The following PANK1 variants were observed in gnomAD, a reference collection of about 807,000 sequenced individuals.
PANK1 encodes the protein pantothenic acid kinase 1.
A neutral mutation model predicts 40.1 loss-of-function variants in PANK1; 18 were observed. That is an observed-to-expected ratio of 0.45 (90% confidence interval 0.31 to 0.67). PANK1 has a LOEUF of 0.67. Ranked by LOEUF, PANK1 falls within the 30% of genes least tolerant of loss-of-function variation. PANK1 has a pLI of 0.06. For missense variants in PANK1, 457 were observed against 599.6 expected (o/e 0.76, Z 2.48); for synonymous variants, 242 against 237.7 (o/e 1.02, Z -0.17).
intron 1 of PANK1, among the ~76,000 whole-genome samples, chr10:89,617,200 G>T (rs1403983561): frequency 6.6e-6 from 1 of 152,216 alleles, no homozygotes; most frequent in Non-Finnish European, 1.5e-5. Context: ...TACTGCAAAA[G>T]AACCTGGCCT....
intron 1 of PANK1, among the ~76,000 whole-genome samples, chr10:89,641,356 A>G (rs7087789): frequency 0.26 from 39,305 of 152,070 alleles, 5,163 homozygotes; most frequent in South Asian, 0.3. Context: ...TACTTTCACA[A>G]TGATGGCTAA....
rs901455368 is a variant in PANK1 at position 89,593,411 on chromosome 10, A to G, written c.1077-91T>C. On this transcript the variant is annotated intron_variant, in intron 4 of 6. Transcript: ENST00000307534. ...AGTATTGTGGAAGGCTCTACGAGTA[A>G]CTGTTCAAACTCAAGTGATCCAATT... 2.9e-6 allele frequency: 4 copies of G among 1,402,430 alleles called. No homozygotes were observed. In the African/African-American group the frequency reaches 5.7e-5, roughly 20 times the overall value. The allele number at this position is 1,402,430 out of a possible 1,614,324, so 86.9% of individuals were successfully genotyped here. A position where few individuals can be genotyped will look rare whatever the true frequency, so the allele number is the denominator to read the frequency against.
intron 1 of PANK1, among the ~76,000 whole-genome samples, chr10:89,634,556 G>C (rs1841748280): frequency 6.6e-6 from 1 of 152,110 alleles, no homozygotes; most frequent in South Asian, 2.1e-4. Context: ...TCAATTCTTG[G>C]AGAATGGGTT....
In PANK1 at chr10:89,595,873, T is replaced by TATATATAA. The variant is rs781450193; in HGVS notation, c.900-1885_900-1884insTTATATAT. ...ATATATATATATATATATATATATATAACTTCATTTACTAATATATATATG... is the reference window on the plus strand; with the variant it reads ...ATATATATATATATATATATATATATATATATAAAACTTCATTTACTAATATATATATG... On this transcript the variant is annotated intron_variant, in intron 3 of 6. Transcript: ENST00000307534. 6.0e-3 allele frequency among the ~76,000 whole-genome samples: 484 copies of TATATATAA among 81,246 alleles called. 31 individuals are homozygous for TATATATAA. Among genetic ancestry groups the TATATATAA allele is most frequent in the African/African-American group, 9.5e-3 (175 of 18,338 alleles). 53.3% of individuals were successfully genotyped at this position (81,246 alleles called of 152,430 possible). A position where few individuals can be genotyped will look rare whatever the true frequency, so the allele number is the denominator to read the frequency against.
chr10:89,631,407 A>G (rs568734811), intron 1 of PANK1, among the ~76,000 whole-genome samples: 2 of 152,254 alleles, frequency 1.3e-5, no homozygotes, highest in South Asian at 4.1e-4. Flanking sequence ...TGAAATTACA[A>G]ATTTTAGCAA....
chr10:89,621,651 C>T lies in PANK1; in HGVS notation c.293-9603G>A, dbSNP rs748160438. ...AGGTGAGGTGTCTGTTGCTTACAAC[C>T]GAGAATGTCCCAACAGTCAGAATTT... is the stretch of plus-strand genomic sequence containing the variant. On this transcript the variant is annotated intron_variant, in intron 1 of 6. Transcript: ENST00000307534. 1.8e-4 allele frequency among the ~76,000 whole-genome samples: 28 copies of T among 152,102 alleles called. 1 individual carries two copies. The highest frequency in any genetic ancestry group is 2.6e-4 in the Non-Finnish European group (18 of 68,028).
chr10:89,587,735 A>C (rs1237219965), intron 6 of PANK1, among the ~76,000 whole-genome samples: 1 of 152,192 alleles, frequency 6.6e-6, no homozygotes, highest in Non-Finnish European at 1.5e-5. Context: ...GGTATAATAA[A>C]ATGGTTGAAG....
chr10:89,627,569 AC>A (rs1841512034), intron 1 of PANK1, among the ~76,000 whole-genome samples: 1 of 152,228 alleles, frequency 6.6e-6, no homozygotes, highest in Non-Finnish European at 1.5e-5. Flanking sequence ...ACTCTGCTAA[AC>A]AGTCAGGATG....
chr10:89,600,155 G>A (rs1300058980), intron 2 of PANK1, among the ~76,000 whole-genome samples: 2 of 152,210 alleles, frequency 1.3e-5, no homozygotes, highest in Non-Finnish European at 2.9e-5. Context: ...AATTTCTGTT[G>A]TTTGAACCAT....
At chr10:89,612,697 G>A (rs549700703) in intron 1 of PANK1, among the ~76,000 whole-genome samples, 4 of 152,282 alleles carry the variant, frequency 2.6e-5, no homozygotes, top group East Asian at 1.9e-4. Context: ...AGAACAACTC[G>A]CATTATATCT....
chr10:89,638,185 T>C (rs1203812194), intron 1 of PANK1, among the ~76,000 whole-genome samples: 1 of 152,274 alleles, frequency 6.6e-6, no homozygotes, highest in Non-Finnish European at 1.5e-5. Context: ...ATGGTTATGA[T>C]ACCACTGGGC....
At chr10:89,628,136 A>C (rs778137232) in intron 1 of PANK1, among the ~76,000 whole-genome samples, 5 of 152,246 alleles carry the variant, frequency 3.3e-5, no homozygotes, top group Non-Finnish European at 5.9e-5. Flanking sequence ...AAGAGGTTAA[A>C]CAAAGAGTTA....
chr10:89,603,531 C>A (rs567625145), intron 2 of PANK1, among the ~76,000 whole-genome samples: 3 of 152,240 alleles, frequency 2.0e-5, no homozygotes, highest in Non-Finnish European at 4.4e-5. Flanking sequence ...TCACTATTAC[C>A]TATTTTGCAG....
chr10:89,594,894 G>T (rs1844517025), intron 3 of PANK1, among the ~76,000 whole-genome samples: 1 of 152,202 alleles, frequency 6.6e-6, no homozygotes. Flanking sequence ...AGGAAAAGGA[G>T]TATTGATTCC....
Position 89,584,140 on chromosome 10 carries a change from A to G in PANK1, c.*266T>C. On this transcript the variant is annotated 3_prime_UTR_variant, in exon 7 of 7. Coordinates refer to ENST00000307534, the MANE Select transcript of PANK1 (RefSeq NM_148977.3). ...ACAACTTTTCAAAGTTAATGCATAC[A>G]ATTGGTAGGTTTGGCCACGCTGCAC... The G allele has an allele frequency of 2.6e-6, 1 of 384,294 alleles. No homozygotes were observed. The allele number at this position is 384,294 out of a possible 1,614,324, so 23.8% of individuals were successfully genotyped here.
intron 1 of PANK1, chr10:89,613,866 T>C: frequency 2.4e-6 from 1 of 417,272 alleles, no homozygotes; most frequent in Non-Finnish European, 4.8e-6. Flanking sequence ...AGCCCCAGAC[T>C]GGGATTCGGA....
At position 89,583,726 on chromosome 10, in the gene PANK1, CT is replaced by C. The variant is rs750512898; in HGVS notation, c.*679del. 1 of 152,134 alleles carries C rather than the reference CT, an allele frequency of 6.6e-6. No individual in the cohort carries two copies. The highest frequency in any genetic ancestry group is 2.4e-5 in the African/African-American group (1 of 41,426). 9.4% of individuals were successfully genotyped at this position (152,134 alleles called of 1,614,324 possible). A position where few individuals can be genotyped will look rare whatever the true frequency, so the allele number is the denominator to read the frequency against. The stretch of plus-strand genomic sequence containing the variant: ...TTCTCTTCACGGGCATTTTCAAGAG[CT>C]TTAGATCTTGTGCTTAACTTTGTAT... On this transcript the variant is annotated 3_prime_UTR_variant, in exon 7 of 7. Coordinates refer to ENST00000307534, the MANE Select transcript of PANK1 (RefSeq NM_148977.3).
intron 1 of PANK1, among the ~76,000 whole-genome samples, chr10:89,617,491 T>C (rs1845356147): frequency 1.3e-5 from 2 of 152,230 alleles, no homozygotes; most frequent in African/African-American, 4.8e-5. Flanking sequence ...CTCTGGTTTA[T>C]AGATTAAAGA....
At chr10:89,618,242 A>T (rs1845379233) in intron 1 of PANK1, among the ~76,000 whole-genome samples, 1 of 152,132 alleles carries the variant, frequency 6.6e-6, no homozygotes, top group Admixed American at 6.5e-5. Flanking sequence ...GGTATCTCCC[A>T]TTCACCCCCT....
Sources: gnomAD v4.1 joint callset for allele counts (sites outside exome capture counted in the v4.1 genomes callset) on GRCh38, gnomAD v4.1.1 for gene constraint, MANE v1.5 for transcripts, NCBI Gene and HGNC (gene_info 2026-07-23, HGNC 2026-07-21) for gene names.